RNF130: variants seen among roughly 807,000 people sequenced by gnomAD.
The protein encoded by RNF130 is ring finger protein 130.
A neutral mutation model predicts 44.6 loss-of-function variants in RNF130; 21 were observed. The observed-to-expected ratio is 0.47, with a 90% CI of 0.33 to 0.68. The LOEUF is 0.68. Among genes scored for constraint, RNF130 ranks in the 30% least tolerant of loss-of-function variants. The probability of loss-of-function intolerance (pLI) is 0.02; values close to 1 mark genes in which losing one functional copy is unlikely to be tolerated. For synonymous variants in RNF130, 214 were observed against 210.4 expected, an observed-to-expected ratio of 1.02 and a Z score of -0.15; for missense variants, 479 against 560.6, an observed-to-expected ratio of 0.85 and a Z score of 1.47.
chr5:179,935,773 C>T (rs957147950), intron 7 of RNF130, among the ~76,000 whole-genome samples: 9 of 128,914 alleles, frequency 7.0e-5, no homozygotes, highest in Non-Finnish European at 1.0e-4. Flanking sequence ...GCCTAGAGAT[C>T]ATTTTACTTT....
intron 2 of RNF130, among the ~76,000 whole-genome samples, chr5:180,016,100 C>T (rs572180819): frequency 3.6e-4 from 54 of 151,290 alleles, no homozygotes; most frequent in African/African-American, 1.1e-3. Flanking sequence ...CAGAGGAGCC[C>T]GACCCTGCCG....
intron 8 of RNF130, among the ~76,000 whole-genome samples, chr5:179,957,418 A>G (rs1762235300): frequency 6.6e-6 from 1 of 152,228 alleles, no homozygotes; most frequent in Non-Finnish European, 1.5e-5. Flanking sequence ...TCTCAAATAA[A>G]TAAATAAAAT....
At chr5:180,035,089 G>T (rs923981898) in intron 2 of RNF130, among the ~76,000 whole-genome samples, 1 of 152,068 alleles carries the variant, frequency 6.6e-6, no homozygotes, top group Non-Finnish European at 1.5e-5. Context: ...TGTTCTACTG[G>T]TTTGGGGTTT....
chr5:180,010,244 C>CAAAAAAAA (rs71001067), intron 3 of RNF130, among the ~76,000 whole-genome samples: 2 of 41,098 alleles, frequency 4.9e-5, no homozygotes, highest in Non-Finnish European at 7.6e-5. Context: ...GACTACATCT[C>CAAAAAAAA]AAAAAAAAAA....
chr5:179,981,238 G>C (rs536160211), intron 3 of RNF130, among the ~76,000 whole-genome samples: 1 of 152,240 alleles, frequency 6.6e-6, no homozygotes, highest in Admixed American at 6.5e-5. Context: ...TTGTGCATCA[G>C]AGGGCCCTAG....
chr5:179,949,979 C>T (rs188969485), intron 7 of RNF130, among the ~76,000 whole-genome samples: 56 of 152,370 alleles, frequency 3.7e-4, no homozygotes, highest in Admixed American at 7.8e-4. Flanking sequence ...GAGTGGAACA[C>T]TGACCCCATT....
intron 3 of RNF130, among the ~76,000 whole-genome samples, chr5:180,010,945 G>C (rs1280631903): frequency 6.6e-6 from 1 of 152,192 alleles, no homozygotes; most frequent in Admixed American, 6.5e-5. Context: ...AGGAAGATCA[G>C]TGGATTGCAT....
chr5:180,050,427 T>C (rs1020262291), intron 1 of RNF130, among the ~76,000 whole-genome samples: 2 of 152,196 alleles, frequency 1.3e-5, no homozygotes, highest in African/African-American at 4.8e-5. Flanking sequence ...CCACCCACAT[T>C]ATGGAGAGCA....
At chr5:179,996,534 C>T (rs1185868999) in intron 3 of RNF130, among the ~76,000 whole-genome samples, 1 of 152,178 alleles carries the variant, frequency 6.6e-6, no homozygotes, top group Non-Finnish European at 1.5e-5. Context: ...CATGAAGCCA[C>T]TTATCAAATG....
intron 3 of RNF130, among the ~76,000 whole-genome samples, chr5:180,003,580 C>T (rs754672987): frequency 5.9e-5 from 9 of 152,304 alleles, no homozygotes; most frequent in East Asian, 5.8e-4. Context: ...TTTAATCAGT[C>T]CTTTAACATT....
intron 3 of RNF130, among the ~76,000 whole-genome samples, chr5:179,989,155 G>A (rs1403655647): frequency 1.3e-5 from 2 of 152,132 alleles, no homozygotes; most frequent in African/African-American, 2.4e-5. Context: ...CAGGAGAAAC[G>A]CCAGACGCTT....
intron 3 of RNF130, among the ~76,000 whole-genome samples, chr5:179,987,521 G>A (rs1762982956): frequency 6.6e-6 from 1 of 152,202 alleles, no homozygotes; most frequent in Non-Finnish European, 1.5e-5. Context: ...AGCACTATGT[G>A]GAACAGAGGG....
intron 7 of RNF130, among the ~76,000 whole-genome samples, chr5:179,943,673 A>G (rs1023201182): frequency 1.3e-5 from 2 of 152,226 alleles, no homozygotes; most frequent in Non-Finnish European, 2.9e-5. Context: ...TCAAAATCAT[A>G]AAGCTAAAAC....
intron 7 of RNF130, among the ~76,000 whole-genome samples, chr5:179,926,115 G>A (rs1761705009): frequency 1.3e-5 from 2 of 152,138 alleles, no homozygotes; most frequent in Admixed American, 1.3e-4. Context: ...TCTGGTAGGG[G>A]TTGACCAATT....
chr5:180,012,856 G>C (rs1433703419), intron 3 of RNF130, among the ~76,000 whole-genome samples: 1 of 152,110 alleles, frequency 6.6e-6, no homozygotes, highest in African/African-American at 2.4e-5. Context: ...GAATATTCTA[G>C]GTGATCACAA....
chr5:180,031,602 A>G (rs891846524), intron 2 of RNF130, among the ~76,000 whole-genome samples: 2 of 152,214 alleles, frequency 1.3e-5, no homozygotes, highest in Non-Finnish European at 2.9e-5. Context: ...TGTAATTGCT[A>G]AACTATATTC....
chr5:179,980,990 G>A (rs1762821852), intron 3 of RNF130, among the ~76,000 whole-genome samples: 1 of 152,160 alleles, frequency 6.6e-6, no homozygotes, highest in African/African-American at 2.4e-5. Flanking sequence ...AGGCGACTAG[G>A]AGGGGTGGGG....
chr5:180,049,027 TTC>T (rs1299515291), intron 1 of RNF130, among the ~76,000 whole-genome samples: 1 of 152,184 alleles, frequency 6.6e-6, no homozygotes, highest in Non-Finnish European at 1.5e-5. Context: ...TACATAAGGT[TTC>T]TGTTTTCTGT....
chr5:179,927,305 G>A (rs1421240766), intron 7 of RNF130, among the ~76,000 whole-genome samples: 1 of 151,290 alleles, frequency 6.6e-6, no homozygotes, highest in Non-Finnish European at 1.5e-5. Flanking sequence ...CACCAGATGT[G>A]TACTGGTCAA....
Sources: allele counts gnomAD v4.1 joint callset (sites outside exome capture counted in the v4.1 genomes callset), GRCh38; gene constraint gnomAD v4.1.1; transcripts MANE v1.5; gene names NCBI Gene and HGNC (gene_info 2026-07-23, HGNC 2026-07-21).